PLPPR1: variants seen among roughly 807,000 people sequenced by gnomAD.
The protein encoded by PLPPR1 is phospholipid phosphatase-related protein type 1.
In PLPPR1, 10 loss-of-function variants were observed where a neutral mutation model predicts 33.1. That is an observed-to-expected ratio of 0.30 (90% CI 0.19 to 0.51). PLPPR1 has a LOEUF of 0.51. Ranked by LOEUF, PLPPR1 falls within the 20% of genes least tolerant of loss-of-function variation. The pLI is 0.97. For synonymous variants in PLPPR1, 151 were observed against 151.0 expected, an observed-to-expected ratio of 1.00 and a Z score of 0.00; for missense variants, 304 against 408.1, an observed-to-expected ratio of 0.74 and a Z score of 2.20.
chr9:101,305,653 T>G (rs575320735), intron 4 of PLPPR1, among the ~76,000 whole-genome samples: 1 of 152,168 alleles, frequency 6.6e-6, no homozygotes, highest in Admixed American at 6.5e-5. Context: ...TCTGGTTCTG[T>G]ACTTTTCCCA....
At chr9:101,132,429 T>C (rs1162100765) in intron 1 of PLPPR1, among the ~76,000 whole-genome samples, 1 of 152,146 alleles carries the variant, frequency 6.6e-6, no homozygotes, top group Non-Finnish European at 1.5e-5. Flanking sequence ...TATTGTAAGA[T>C]TTCAACTATA....
intron 1 of PLPPR1, among the ~76,000 whole-genome samples, chr9:101,183,003 G>A (rs77135750): frequency 0.024 from 3,574 of 151,770 alleles, 141 homozygotes; most frequent in African/African-American, 0.079. Flanking sequence ...AAATGTCAAT[G>A]ACAGTGTGGA....
chr9:101,138,698 C>A (rs572603444), intron 1 of PLPPR1, among the ~76,000 whole-genome samples: 1 of 152,316 alleles, frequency 6.6e-6, no homozygotes, highest in South Asian at 2.1e-4. Flanking sequence ...ATGTGTGCCA[C>A]ATCTGTTGCC....
intron 1 of PLPPR1, among the ~76,000 whole-genome samples, chr9:101,061,539 T>C (rs1399111774): frequency 6.6e-6 from 1 of 151,936 alleles, no homozygotes; most frequent in Non-Finnish European, 1.5e-5. Flanking sequence ...TATTTTGGGA[T>C]TTTCTTCTGG....
intron 2 of PLPPR1, among the ~76,000 whole-genome samples, chr9:101,248,795 A>G (rs990711388): frequency 6.6e-6 from 1 of 152,092 alleles, no homozygotes; most frequent in South Asian, 2.1e-4. Context: ...TGCTTCTCCA[A>G]GTGAAACTTT....
intron 1 of PLPPR1, among the ~76,000 whole-genome samples, chr9:101,163,244 G>A (rs928286613): frequency 2.0e-5 from 3 of 152,092 alleles, no homozygotes; most frequent in Non-Finnish European, 2.9e-5. Context: ...AACACTCCAC[G>A]ACAAAAATAG....
At chr9:101,108,591 A>C (rs1341664147) in intron 1 of PLPPR1, among the ~76,000 whole-genome samples, 1 of 152,252 alleles carries the variant, frequency 6.6e-6, no homozygotes, top group Non-Finnish European at 1.5e-5. Flanking sequence ...CAGGCATACA[A>C]GAAATTTGGT....
At chr9:101,255,936 C>T (rs957850738) in intron 2 of PLPPR1, among the ~76,000 whole-genome samples, 5 of 152,118 alleles carry the variant, frequency 3.3e-5, no homozygotes, top group Admixed American at 3.3e-4. Flanking sequence ...ACAAAGCATC[C>T]TAGTGTCTTG....
At chr9:101,216,211 A>G (rs1826792037) in intron 2 of PLPPR1, among the ~76,000 whole-genome samples, 1 of 152,130 alleles carries the variant, frequency 6.6e-6, no homozygotes, top group African/African-American at 2.4e-5. Flanking sequence ...TTTGGGTAAA[A>G]GCCACTTTAA....
chr9:101,065,512 A>G (rs560108854), intron 1 of PLPPR1, among the ~76,000 whole-genome samples: 2 of 152,180 alleles, frequency 1.3e-5, no homozygotes, highest in East Asian at 3.9e-4. Context: ...AAGGCATTTT[A>G]TTTATAACAA....
At chr9:101,235,060 A>G (rs1233248633) in intron 2 of PLPPR1, among the ~76,000 whole-genome samples, 1 of 151,934 alleles carries the variant, frequency 6.6e-6, no homozygotes, top group African/African-American at 2.4e-5. Flanking sequence ...TAGCATTTAT[A>G]TCATGGCAGA....
At chr9:101,238,297 A>G (rs1361322864) in intron 2 of PLPPR1, among the ~76,000 whole-genome samples, 1 of 136,356 alleles carries the variant, frequency 7.3e-6, no homozygotes, top group African/African-American at 2.7e-5. Context: ...CATACCCTAT[A>G]TATATATAGG....
rs1826714353 is a variant in PLPPR1, at chr9:101,212,826, A to AC, written c.63+27270dup. Among the ~76,000 whole-genome samples the AC allele has an allele frequency of 9.8e-5, 15 of 152,288 alleles. 1 individual carries two copies. In the South Asian group the frequency reaches 3.1e-3, roughly 32 times the overall value. On this transcript the variant is annotated intron_variant, in intron 2 of 7. Coordinates refer to ENST00000374874, the MANE Select transcript of PLPPR1 (RefSeq NM_207299.2). ...GTGTATGATGATGTTGTCAGTTGTA[A>AC]CACGTTTCCTGTGTAATTCTCTTCC...
intron 1 of PLPPR1, among the ~76,000 whole-genome samples, chr9:101,043,720 C>A (rs889541052): frequency 6.6e-6 from 1 of 152,070 alleles, no homozygotes; most frequent in African/African-American, 2.4e-5. Context: ...GAATCTCCCC[C>A]ACTGTTTTCC....
intron 1 of PLPPR1, among the ~76,000 whole-genome samples, chr9:101,141,608 A>G (rs1169819954): frequency 1.3e-5 from 2 of 152,222 alleles, no homozygotes; most frequent in African/African-American, 4.8e-5. Context: ...TGAGTATTTA[A>G]AAACATTTAT....
At chr9:101,249,846 G>A (rs973014434) in intron 2 of PLPPR1, among the ~76,000 whole-genome samples, 1 of 152,032 alleles carries the variant, frequency 6.6e-6, no homozygotes, top group Non-Finnish European at 1.5e-5. Context: ...AAAAGGTTTT[G>A]TAGCTGGCAC....
At chr9:101,086,547 C>T (rs141317003) in intron 1 of PLPPR1, among the ~76,000 whole-genome samples, 101 of 152,284 alleles carry the variant, frequency 6.6e-4, no homozygotes, top group African/African-American at 2.4e-3. Flanking sequence ...AGGCTGTCTT[C>T]AGTAATCTTC....
chr9:101,309,588 C>A, intron 5 of PLPPR1, 127 bp downstream of exon 5: 4 of 1,041,768 alleles, frequency 3.8e-6, no homozygotes, highest in Non-Finnish European at 5.5e-6. Context: ...TATTTCTCTA[C>A]ATTATGCTAT....
chr9:101,104,530 T>G (rs1044003207), intron 1 of PLPPR1, among the ~76,000 whole-genome samples: 3 of 131,432 alleles, frequency 2.3e-5, no homozygotes, highest in South Asian at 3.2e-4. Context: ...CTTTTTGATG[T>G]GCTGCTGGAT....
Sources: allele counts gnomAD v4.1 joint callset (sites outside exome capture counted in the v4.1 genomes callset), GRCh38; gene constraint gnomAD v4.1.1; transcripts MANE v1.5; gene names NCBI Gene and HGNC (gene_info 2026-07-23, HGNC 2026-07-21).